The following SLC35A5 variants were observed in gnomAD, a reference collection of about 807,000 sequenced individuals.
SLC35A5 encodes the protein UDP-sugar transporter protein SLC35A5.
In SLC35A5, 28 loss-of-function variants were observed where a neutral mutation model predicts 36.3. The ratio of observed to expected loss-of-function variants is 0.77; its 90% CI spans 0.57 to 1.06. The LOEUF (loss-of-function observed/expected upper bound fraction) is 1.06, where lower values mean the gene tolerates loss of function less well. Among genes scored for constraint, SLC35A5 ranks in the 50% least tolerant of loss-of-function variants. The pLI is 0.00. For missense variants in SLC35A5, 521 were observed against 499.3 expected (o/e 1.04, Z -0.41); for synonymous variants, 180 against 173.7 (o/e 1.04, Z -0.29).
intron 5 of SLC35A5, among the ~76,000 whole-genome samples, chr3:112,580,321 A>G (rs905707529): frequency 6.6e-6 from 1 of 152,192 alleles, no homozygotes; most frequent in African/African-American, 2.4e-5. Flanking sequence ...ACAGAAGGGA[A>G]ATGACTTGAG....
chr3:112,563,304 C>A, intron 1 of SLC35A5, 81 bp from the exon 2 acceptor site: 1 of 1,313,870 alleles, frequency 7.6e-7, no homozygotes, highest in Non-Finnish European at 9.9e-7. Flanking sequence ...TTAAAAATTC[C>A]TTTTTTGTCC....
At chr3:112,571,629 C>G (rs984803479) in intron 4 of SLC35A5, among the ~76,000 whole-genome samples, 2 of 152,170 alleles carry the variant, frequency 1.3e-5, no homozygotes, top group African/African-American at 2.4e-5. Context: ...TTCCACAAGG[C>G]TGGGGAGGCC....
chr3:112,567,008 C>T (rs1046756124), intron 2 of SLC35A5, among the ~76,000 whole-genome samples: 2 of 152,084 alleles, frequency 1.3e-5, no homozygotes, highest in Admixed American at 6.5e-5. Flanking sequence ...GGGTGGATCA[C>T]GAGGTCAGGA....
chr3:112,576,996 T>C (rs1934703333), intron 5 of SLC35A5, among the ~76,000 whole-genome samples: 1 of 151,988 alleles, frequency 6.6e-6, no homozygotes, highest in African/African-American at 2.4e-5. Context: ...TGTCTTATAC[T>C]TGATTGTATC....
chr3:112,563,383 AG>A lies in SLC35A5; in HGVS notation c.-19del, dbSNP rs781575046. 258 of 1,484,390 alleles carry A rather than the reference AG, an allele frequency of 1.7e-4. No individual in the cohort carries two copies. Among genetic ancestry groups the A allele is most frequent in the Non-Finnish European group, 2.3e-4 (251 of 1,097,398 alleles). The allele number at this position is 1,484,390 out of a possible 1,614,324, so 92.0% of individuals were successfully genotyped here. Reference sequence around the variant, plus strand: ...GTTCATGAAAGTGTTTTTCTCTTTAAGGTAATTAAAAAACAGTGGAATGGAA... The same window carrying A: ...GTTCATGAAAGTGTTTTTCTCTTTAAGTAATTAAAAAACAGTGGAATGGAA... On this transcript the variant is annotated splice_acceptor_variant, in intron 1 of 6. Transcript: ENST00000492406. LOFTEE classifies it low-confidence loss of function (5UTR_SPLICE).
In SLC35A5 at chr3:112,580,887, G is replaced by A. The variant is rs113247922; in HGVS notation, c.770G>A (p.Gly257Glu). 7.6e-4 allele frequency: 1,224 copies of A among 1,614,118 alleles called. 7 individuals carry two copies. In the African/African-American group the frequency reaches 0.014, roughly 18 times the overall value. Residue 257 changes from glycine to glutamate, a missense_variant, in exon 6 of 7, where the codon GGG becomes GAG. By Grantham distance (98) the Gly-to-Glu change is moderately conservative. Transcript: ENST00000492406. Reference protein sequence around the residue: ...NIYNEKILKEGNQLTESIFIQ... With the variant: ...NIYNEKILKEENQLTESIFIQ... ...TATAATGAAAAGATACTGAAGGAAG[G>A]GAACCAGCTCACTGAAAGCATCTTC...
chr3:112,569,402 A>G lies in SLC35A5; in HGVS notation c.229+133A>G, dbSNP rs572191614. On this transcript the variant is annotated intron_variant, in intron 3 of 6. Coordinates refer to ENST00000492406, the MANE Select transcript of SLC35A5 (RefSeq NM_017945.5). ...AGGAAGCTAAGATACAAACATAAGT[A>G]TGTTTTAGAGGTGGAGAAACAAGCT... The G allele has an allele frequency of 1.4e-5, 10 of 698,624 alleles. No homozygotes were observed. In the East Asian group the frequency reaches 2.6e-4, roughly 18 times the overall value. The allele number at this position is 698,624 out of a possible 1,614,324, so 43.3% of individuals were successfully genotyped here. A position where few individuals can be genotyped will look rare whatever the true frequency, so the allele number is the denominator to read the frequency against.
At chr3:112,582,269 C>G (rs1480031458) in intron 6 of SLC35A5, among the ~76,000 whole-genome samples, 1 of 152,086 alleles carries the variant, frequency 6.6e-6, no homozygotes, top group East Asian at 1.9e-4. Context: ...TTCGGATACC[C>G]TGCTCTTAGC....
At chr3:112,564,689 A>G (rs528341836) in intron 2 of SLC35A5, among the ~76,000 whole-genome samples, 169 of 152,202 alleles carry the variant, frequency 1.1e-3, no homozygotes, top group African/African-American at 3.8e-3. Context: ...ATTTCAGACT[A>G]TCACATGGGG....
intron 6 of SLC35A5, among the ~76,000 whole-genome samples, chr3:112,582,155 A>G (rs1032750848): frequency 3.3e-5 from 5 of 152,186 alleles, no homozygotes; most frequent in Non-Finnish European, 7.4e-5. Flanking sequence ...TCTTTGGGAA[A>G]AATAATCTAT....
chr3:112,579,290 G>C (rs75761185), intron 5 of SLC35A5, among the ~76,000 whole-genome samples: 1 of 152,210 alleles, frequency 6.6e-6, no homozygotes, highest in East Asian at 1.9e-4. Flanking sequence ...TCCTCCCTTA[G>C]AGCGGAAATG....
chr3:112,569,041 G>A (rs1934318375), intron 2 of SLC35A5, 130 bp from the exon 3 acceptor site: 8 of 677,428 alleles, frequency 1.2e-5, no homozygotes, highest in Non-Finnish European at 1.9e-5. Context: ...AGGAGCAAAG[G>A]CAACTGGAAG....
intron 5 of SLC35A5, among the ~76,000 whole-genome samples, chr3:112,577,092 GAA>G (rs11483243): frequency 2.6e-4 from 38 of 145,668 alleles, no homozygotes; most frequent in African/African-American, 7.1e-4. Flanking sequence ...AATTTTTTAA[GAA>G]AAAAAAAAAT....
intron 2 of SLC35A5, among the ~76,000 whole-genome samples, chr3:112,567,342 G>A (rs1202055016): frequency 2.0e-5 from 3 of 152,090 alleles, no homozygotes; most frequent in Non-Finnish European, 4.4e-5. Context: ...CGCTCTGTCT[G>A]GAGTGCACTG....
upstream of SLC35A5, chr3:112,561,337 C>G (rs1273661055): frequency 3.9e-6 from 4 of 1,017,144 alleles, no homozygotes; most frequent in Admixed American, 7.9e-5. Context: ...CCCTGTGTCT[C>G]GAGCCCTACT....
At position 112,573,923 on chromosome 3, in the gene SLC35A5, T is replaced by C. The variant is rs1934562436; in HGVS notation, c.395T>C (p.Ile132Thr). 1 of 1,613,632 alleles carries C rather than the reference T, an allele frequency of 6.2e-7. No homozygotes were observed. Among genetic ancestry groups the C allele is most frequent in the African/African-American group, 1.3e-5 (1 of 75,050 alleles). Reference sequence around the variant, plus strand: ...GTTATCTTCTCAAATTTTAGCATTATAACAACAGCTCTTCTATTCAGGATA... The same window carrying C: ...GTTATCTTCTCAAATTTTAGCATTACAACAACAGCTCTTCTATTCAGGATA... ...MAVIFSNFSIITTALLFRIVL... is the reference protein window; with the variant it reads ...MAVIFSNFSITTTALLFRIVL... Residue 132 changes from isoleucine (I) to threonine (T), a missense_variant, in exon 5 of 7, where the codon ATA (isoleucine) becomes ACA (threonine). By Grantham distance (89) the Ile-to-Thr change is moderately conservative. Transcript: ENST00000492406.
chr3:112,561,661 GGACGC>G (rs373700157), upstream of SLC35A5: 101 of 893,296 alleles, frequency 1.1e-4, no homozygotes, highest in Admixed American at 8.6e-4. Flanking sequence ...CGAGGGGACG[GGACGC>G]GACGCGACGG....
At chr3:112,565,576 G>A (rs1934158709) in intron 2 of SLC35A5, among the ~76,000 whole-genome samples, 1 of 152,172 alleles carries the variant, frequency 6.6e-6, no homozygotes, top group Non-Finnish European at 1.5e-5. Flanking sequence ...TCAGGAATTT[G>A]AGACCAGGCT....
chr3:112,562,457 T>C (rs1933962908), intron 1 of SLC35A5, among the ~76,000 whole-genome samples, 184 bp downstream of exon 1: 1 of 152,166 alleles, frequency 6.6e-6, no homozygotes, highest in Non-Finnish European at 1.5e-5. Flanking sequence ...TATTGGCATT[T>C]CTCCCCACTC....
Sources: gnomAD v4.1 joint callset for allele counts (sites outside exome capture counted in the v4.1 genomes callset) on GRCh38, gnomAD v4.1.1 for gene constraint, MANE v1.5 for transcripts, NCBI Gene and HGNC (gene_info 2026-07-23, HGNC 2026-07-21) for gene names.